Variants in GIPC2 observed in about 807,000 individuals in gnomAD.
The protein encoded by GIPC2 is GIPC PDZ domain containing family member 2.
In GIPC2, 30 loss-of-function variants were observed where a neutral mutation model predicts 30.6. The ratio of observed to expected loss-of-function variants is 0.98; its 90% CI spans 0.73 to 1.33. The LOEUF (loss-of-function observed/expected upper bound fraction) is 1.33. Ranked by LOEUF, GIPC2 falls within the 40% of genes most tolerant of loss-of-function variation. GIPC2 has a pLI of 0.00. For missense variants in GIPC2, 414 were observed against 390.3 expected (o/e 1.06, Z -0.51); for synonymous variants, 167 against 150.0 (o/e 1.11, Z -0.83).
intron 5 of GIPC2, among the ~76,000 whole-genome samples, chr1:78,126,828 A>G (rs570481599): frequency 1.3e-5 from 2 of 152,276 alleles, no homozygotes; most frequent in African/African-American, 4.8e-5. Context: ...TCATTCAAAC[A>G]AAATGCCCAA....
chr1:78,119,248 G>A (rs953054383), intron 3 of GIPC2, 145 bp from the exon 4 acceptor site: 3 of 535,416 alleles, frequency 5.6e-6, no homozygotes, highest in East Asian at 6.0e-5. Context: ...TTTTGCTTCG[G>A]GAAATTCTAT....
intron 3 of GIPC2, among the ~76,000 whole-genome samples, chr1:78,101,261 C>G (rs1420679550): frequency 6.6e-6 from 1 of 152,078 alleles, no homozygotes; most frequent in Non-Finnish European, 1.5e-5. Flanking sequence ...AGCAGATGTT[C>G]CATTGCACTT....
intron 1 of GIPC2, among the ~76,000 whole-genome samples, chr1:78,051,055 CATGAT>C (rs1458558646): frequency 6.6e-6 from 1 of 151,742 alleles, no homozygotes; most frequent in Non-Finnish European, 1.5e-5. Flanking sequence ...TAGTTTTTAC[CATGAT>C]ATATTTTCCT....
At chr1:78,093,087 G>A (rs187856043) in intron 2 of GIPC2, among the ~76,000 whole-genome samples, 1 of 152,200 alleles carries the variant, frequency 6.6e-6, no homozygotes, top group Admixed American at 6.5e-5. Context: ...TTTGTATGGT[G>A]TAGTTGACCA....
intron 1 of GIPC2, among the ~76,000 whole-genome samples, chr1:78,051,793 C>T (rs12126185): frequency 4.6e-5 from 7 of 152,298 alleles, no homozygotes; most frequent in East Asian, 1.9e-4. Flanking sequence ...CCGCACCTGG[C>T]GTAGAATTGT....
intron 3 of GIPC2, among the ~76,000 whole-genome samples, chr1:78,099,021 G>A (rs890585384): frequency 2.6e-5 from 4 of 152,134 alleles, no homozygotes; most frequent in Non-Finnish European, 5.9e-5. Context: ...AAAAATTACA[G>A]TACCAGTTCT....
intron 4 of GIPC2, among the ~76,000 whole-genome samples, chr1:78,124,970 C>G (rs1452464189): frequency 6.6e-6 from 1 of 152,160 alleles, no homozygotes; most frequent in Non-Finnish European, 1.5e-5. Flanking sequence ...GAATGAGACT[C>G]TGTCTCAAAC....
intron 5 of GIPC2, among the ~76,000 whole-genome samples, chr1:78,131,957 GGT>G (rs1662907304): frequency 6.6e-6 from 1 of 152,118 alleles, no homozygotes; most frequent in South Asian, 2.1e-4. Context: ...TACAAGATCA[GGT>G]ATTTTTTGAA....
chr1:78,046,223 C>G lies in GIPC2; in HGVS notation c.129C>G (p.Val43=). The G allele has an allele frequency of 6.2e-7, 1 of 1,603,830 alleles. No homozygotes were observed. Among genetic ancestry groups the G allele is most frequent in the Non-Finnish European group, 8.5e-7 (1 of 1,176,258 alleles). ...SASRAPARRL[V]FHAQLAHGSA... ...CCCGGGCTCCCGCACGCAGGCTGGT[C>G]TTCCACGCGCAGCTGGCGCACGGTA... Residue 43 remains valine (V), a synonymous_variant, in exon 1 of 6, where the codon GTC becomes GTG. Coordinates refer to ENST00000370759, the MANE Select transcript of GIPC2 (RefSeq NM_017655.6).
intron 1 of GIPC2, among the ~76,000 whole-genome samples, chr1:78,076,989 C>T (rs755139530): frequency 2.6e-5 from 4 of 151,636 alleles, no homozygotes; most frequent in East Asian, 1.9e-4. Flanking sequence ...AGGCTAGTCT[C>T]GAACTCCTGA....
At position 78,046,082 on chromosome 1, in the gene GIPC2, T is replaced by C. The variant is rs1661064403; in HGVS notation, c.-13T>C. 7.0e-7 allele frequency: 1 copy of C among 1,419,814 alleles called. No homozygotes were observed. The highest frequency in any genetic ancestry group is 9.2e-7 in the Non-Finnish European group (1 of 1,091,018). The allele number at this position is 1,419,814 out of a possible 1,614,324, so 88.0% of individuals were successfully genotyped here. A position where few individuals can be genotyped will look rare whatever the true frequency, so the allele number is the denominator to read the frequency against. On this transcript the variant is annotated 5_prime_UTR_variant, in exon 1 of 6. Coordinates refer to ENST00000370759, the MANE Select transcript of GIPC2 (RefSeq NM_017655.6). ...CGGCAGCGCAGGTGGGCCCGCGCTC[T>C]CGGCCCTGCAAGATGCCCCTGAAGC...
At chr1:78,065,081 T>C (rs573749235) in intron 1 of GIPC2, among the ~76,000 whole-genome samples, 42 of 152,168 alleles carry the variant, frequency 2.8e-4, no homozygotes, top group African/African-American at 8.4e-4. Context: ...TCATGTGATC[T>C]TCTCGCCTCA....
rs1663023533 is a variant in GIPC2, at chr1:78,137,285, G to T, written c.*1542G>T. 1 of 152,048 alleles carries T rather than the reference G, an allele frequency of 6.6e-6. No individual in the cohort carries two copies. The highest frequency in any genetic ancestry group is 1.5e-5 in the Non-Finnish European group (1 of 67,974). The allele number at this position is 152,048 out of a possible 1,614,324, so 9.4% of individuals were successfully genotyped here. Reference sequence around the variant, plus strand: ...TTAGTGAGTTCGTTTTGGAGGTTCTGAAATACCTATTAATTCTTAATATTA... The same window carrying T: ...TTAGTGAGTTCGTTTTGGAGGTTCTTAAATACCTATTAATTCTTAATATTA... On this transcript the variant is annotated 3_prime_UTR_variant, in exon 6 of 6. Transcript: ENST00000370759.
intron 3 of GIPC2, among the ~76,000 whole-genome samples, chr1:78,119,115 C>G (rs1296955754): frequency 2.6e-5 from 4 of 152,078 alleles, no homozygotes; most frequent in African/African-American, 9.7e-5. Flanking sequence ...GTAGAGCCTA[C>G]TGTTTTTTCT....
At chr1:78,081,836 GT>G (rs1402056371) in intron 2 of GIPC2, among the ~76,000 whole-genome samples, 1 of 152,070 alleles carries the variant, frequency 6.6e-6, no homozygotes, top group Non-Finnish European at 1.5e-5. Flanking sequence ...TTGGTATTAT[GT>G]TTTTTCTTTG....
chr1:78,056,542 A>G (rs1161195105), intron 1 of GIPC2, among the ~76,000 whole-genome samples: 2 of 152,262 alleles, frequency 1.3e-5, no homozygotes, highest in East Asian at 3.8e-4. Context: ...TAGTGTAATT[A>G]ACTCCATGTG....
At chr1:78,105,591 C>T (rs1376688312) in intron 3 of GIPC2, among the ~76,000 whole-genome samples, 2 of 151,890 alleles carry the variant, frequency 1.3e-5, no homozygotes, top group South Asian at 2.1e-4. Context: ...CGACCAGAAC[C>T]GTAATGTTTT....
intron 3 of GIPC2, among the ~76,000 whole-genome samples, chr1:78,113,758 A>G (rs1662517134): frequency 6.6e-6 from 1 of 151,952 alleles, no homozygotes; most frequent in African/African-American, 2.4e-5. Context: ...AGGTCAAGTG[A>G]TCCTCCCGCC....
At position 78,138,444 on chromosome 1, in the gene GIPC2, A is replaced by G. The variant is rs1202610011; in HGVS notation, c.*2701A>G. On this transcript the variant is annotated 3_prime_UTR_variant, in exon 6 of 6. Transcript: ENST00000370759. Reference sequence around the variant, plus strand: ...AGCAAATACACATATTCCAAGTAAAACTTTATTTAGTCCCATGTTATTTAT... The same window carrying G: ...AGCAAATACACATATTCCAAGTAAAGCTTTATTTAGTCCCATGTTATTTAT... 2 of 152,092 alleles carry G rather than the reference A, an allele frequency of 1.3e-5. No individual in the cohort carries two copies. Among genetic ancestry groups the G allele is most frequent in the Non-Finnish European group, 2.9e-5 (2 of 68,008 alleles). The allele number at this position is 152,092 out of a possible 1,614,324, so 9.4% of individuals were successfully genotyped here.
Sources: gnomAD v4.1 joint callset for allele counts (sites outside exome capture counted in the v4.1 genomes callset) on GRCh38, gnomAD v4.1.1 for gene constraint, MANE v1.5 for transcripts, NCBI Gene and HGNC (gene_info 2026-07-23, HGNC 2026-07-21) for gene names.